Variants in ITPR2 observed in about 807,000 individuals in gnomAD.
ITPR2 encodes inositol 1,4,5-trisphosphate receptor type 2.
ITPR2 carries 207 observed loss-of-function variants against 317.1 expected under a neutral mutation model. The ratio of observed to expected loss-of-function variants is 0.65; its 90% confidence interval spans 0.58 to 0.73. The LOEUF (loss-of-function observed/expected upper bound fraction) is 0.73, where lower values mean the gene tolerates loss of function less well. Among genes scored for constraint, ITPR2 ranks in the 30% least tolerant of loss-of-function variants. ITPR2 has a pLI of 0.00. For missense variants in ITPR2, 2,613 were observed against 3,284.0 expected, an observed-to-expected ratio of 0.80 and a Z score of 4.99; for synonymous variants, 1,156 against 1,149.1, an observed-to-expected ratio of 1.01 and a Z score of -0.12.
chr12:26,510,191 C>T (rs1591841607), intron 37 of ITPR2, among the ~76,000 whole-genome samples: 1 of 152,098 alleles, frequency 6.6e-6, no homozygotes, highest in Admixed American at 6.5e-5. Context: ...ATTATGCCAG[C>T]TGAGTTTAAT....
chr12:26,618,801 A>T (rs1366217232), intron 26 of ITPR2, among the ~76,000 whole-genome samples: 1 of 144,292 alleles, frequency 6.9e-6, no homozygotes, highest in Non-Finnish European at 1.5e-5. Context: ...ATGTGCATAA[A>T]TGTAATAATA....
chr12:26,719,218 A>G (rs1005280119), intron 5 of ITPR2, among the ~76,000 whole-genome samples: 3 of 152,218 alleles, frequency 2.0e-5, no homozygotes, highest in Non-Finnish European at 4.4e-5. Context: ...TAATTAGATA[A>G]CTTAGCAAAT....
At position 26,599,223 on chromosome 12, in the gene ITPR2, C is replaced by T. The variant is rs971974475; in HGVS notation, c.3924G>A (p.Glu1308=). The T allele has an allele frequency of 2.5e-6, 4 of 1,613,988 alleles. No individual in the cohort carries two copies. In the African/African-American group the frequency reaches 5.3e-5, roughly 22 times the overall value. Residue 1308 remains glutamate (E), a synonymous_variant, in exon 30 of 57, where the codon GAG becomes GAA. Coordinates refer to ENST00000381340, the MANE Select transcript of ITPR2 (RefSeq NM_002223.4). ...CAATTGTTTGCAAAAACCTCAGGTA[C>T]TCCACGTGGCGGCCATGTGTCTCAA... is the stretch of plus-strand genomic sequence containing the variant. ...HCIETHGRHV[E]YLRFLQTIVK...
chr12:26,745,407 A>C (rs1266708549), intron 2 of ITPR2, among the ~76,000 whole-genome samples: 1 of 152,266 alleles, frequency 6.6e-6, no homozygotes, highest in Non-Finnish European at 1.5e-5. Flanking sequence ...TATTTGAGGC[A>C]TAAGTTCTGA....
intron 5 of ITPR2, among the ~76,000 whole-genome samples, chr12:26,721,018 T>A (rs1203351769): frequency 2.0e-5 from 3 of 152,118 alleles, no homozygotes; most frequent in Non-Finnish European, 4.4e-5. Flanking sequence ...AGGGATACTA[T>A]TCAGTGGAGG....
At chr12:26,517,347 A>G (rs1366741694) in intron 37 of ITPR2, among the ~76,000 whole-genome samples, 1 of 152,208 alleles carries the variant, frequency 6.6e-6, no homozygotes, top group Admixed American at 6.5e-5. Context: ...AACAAAATTA[A>G]CAAGCAAAAA....
intron 1 of ITPR2, among the ~76,000 whole-genome samples, chr12:26,800,283 A>C (rs1950533125): frequency 6.6e-6 from 1 of 152,252 alleles, no homozygotes; most frequent in Non-Finnish European, 1.5e-5. Context: ...AAATTCAAAG[A>C]AATATGAACT....
At chr12:26,359,400 C>A (rs1938750608) in intron 55 of ITPR2, among the ~76,000 whole-genome samples, 1 of 152,122 alleles carries the variant, frequency 6.6e-6, no homozygotes, top group Admixed American at 6.5e-5. Context: ...AGAAAGCAGG[C>A]TATGATTTAA....
At chr12:26,772,415 T>TATATATATTATATATATAATACATATATA (rs1555189160) in intron 2 of ITPR2, among the ~76,000 whole-genome samples, 1 of 120,974 alleles carries the variant, frequency 8.3e-6, no homozygotes, top group Non-Finnish European at 1.8e-5. Flanking sequence ...TATACACATT[T>TATATATATTATATATATAATACATATATA]ATATATATTA....
intron 37 of ITPR2, among the ~76,000 whole-genome samples, chr12:26,503,708 A>C (rs1027779996): frequency 1.2e-4 from 18 of 152,236 alleles, no homozygotes; most frequent in African/African-American, 3.9e-4. Context: ...TTACACTGCA[A>C]GGCTATTTAA....
Position 26,654,104 on chromosome 12 carries a change from A to T in ITPR2, c.2612T>A (p.Leu871His), listed in dbSNP as rs780874004. The T allele has an allele frequency of 7.6e-7, 1 of 1,318,896 alleles. No individual in the cohort carries two copies. The highest frequency in any genetic ancestry group is 1.0e-6 in the Non-Finnish European group (1 of 971,092). The allele number at this position is 1,318,896 out of a possible 1,614,324, so 81.7% of individuals were successfully genotyped here. Residue 871 changes from leucine to histidine, a missense_variant, in exon 21 of 57, where the codon CTT becomes CAT. By Grantham distance (99) the Leu-to-His change is moderately conservative. This residue lies in a region of ITPR2 where 817 missense variants were observed against 897.6 expected (regional missense o/e 0.91). Transcript: ENST00000381340. ...TFEVVHLARNLIYFGFYSFSE... is the reference protein window; with the variant it reads ...TFEVVHLARNHIYFGFYSFSE... ...GAAACTATAAAATCCAAAGTATATA[A>T]GATTCCGAGCCAAGTGGACCACCTT... is the stretch of plus-strand genomic sequence containing the variant.
chr12:26,830,899 A>G (rs78402323), intron 1 of ITPR2, among the ~76,000 whole-genome samples: 3,923 of 152,276 alleles, frequency 0.026, 55 homozygotes, highest in Non-Finnish European at 0.039. Context: ...CTTCCTCACC[A>G]CAACCCTATG....
rs1339994184 is a variant in ITPR2 at position 26,338,668 on chromosome 12, A to G, written c.*729T>C. 6.6e-6 allele frequency: 1 copy of G among 152,188 alleles called. No individual in the cohort carries two copies. Among genetic ancestry groups the G allele is most frequent in the East Asian group, 1.9e-4 (1 of 5,200 alleles). 9.4% of individuals were successfully genotyped at this position (152,188 alleles called of 1,614,324 possible). A position where few individuals can be genotyped will look rare whatever the true frequency, so the allele number is the denominator to read the frequency against. On this transcript the variant is annotated 3_prime_UTR_variant, in exon 57 of 57. Transcript: ENST00000381340. ...ATCTTCTTAAAATCTTAGCCTATAC[A>G]TGACTTAGAACATGTTTTTAACAAG...
chr12:26,367,503 G>T (rs4963987), intron 55 of ITPR2, among the ~76,000 whole-genome samples: 25,246 of 151,994 alleles, frequency 0.17, 2,325 homozygotes, highest in African/African-American at 0.23. Flanking sequence ...AGAGATGCAA[G>T]ATGAAGATAG....
At chr12:26,357,486 G>A (rs146395720) in intron 55 of ITPR2, among the ~76,000 whole-genome samples, 1 of 152,276 alleles carries the variant, frequency 6.6e-6, no homozygotes, top group East Asian at 1.9e-4. Flanking sequence ...AGATTCTCTT[G>A]ATTTGTATGC....
intron 52 of ITPR2, chr12:26,400,767 A>C (rs2136651338): frequency 6.6e-6 from 1 of 152,516 alleles, no homozygotes; most frequent in Middle Eastern, 3.4e-3. Context: ...GTTACCCAGG[A>C]GGCAAAAGGA....
At chr12:26,735,574 T>C (rs1949107249) in intron 2 of ITPR2, among the ~76,000 whole-genome samples, 2 of 152,350 alleles carry the variant, frequency 1.3e-5, no homozygotes, top group South Asian at 2.1e-4. Context: ...CTTCTGTTTC[T>C]GGTCATGTGT....
At chr12:26,609,025 T>C (rs528903693) in intron 26 of ITPR2, among the ~76,000 whole-genome samples, 5 of 152,238 alleles carry the variant, frequency 3.3e-5, no homozygotes, top group East Asian at 1.9e-4. Context: ...TGATACATTG[T>C]ATGAAGGAAG....
intron 2 of ITPR2, among the ~76,000 whole-genome samples, chr12:26,754,420 C>T (rs186517856): frequency 6.6e-6 from 1 of 152,316 alleles, no homozygotes; most frequent in Admixed American, 6.5e-5. Context: ...AGGCTCCACG[C>T]ATGGTACATA....
Sources: allele counts gnomAD v4.1 joint callset (sites outside exome capture counted in the v4.1 genomes callset), GRCh38; gene constraint gnomAD v4.1.1; regional missense constraint gnomAD v4.1.1; transcripts MANE v1.5; gene names NCBI Gene and HGNC (gene_info 2026-07-23, HGNC 2026-07-21).